Variants in NAALADL2 observed in about 807,000 individuals in gnomAD.
NAALADL2 encodes the protein inactive N-acetylated-alpha-linked acidic dipeptidase-like protein 2.
In NAALADL2, 76 loss-of-function variants were observed where a neutral mutation model predicts 87.2. The observed-to-expected ratio is 0.87, with a 90% CI of 0.72 to 1.05. NAALADL2 has a LOEUF of 1.05. Among genes scored for constraint, NAALADL2 ranks in the 50% least tolerant of loss-of-function variants. The pLI is 0.00. For missense variants in NAALADL2, 1,089 were observed against 945.8 expected, an observed-to-expected ratio of 1.15 and a Z score of -1.99; for synonymous variants, 354 against 331.0, an observed-to-expected ratio of 1.07 and a Z score of -0.75.
chr3:174,591,909 A>C (rs965280354), intron 2 of NAALADL2, among the ~76,000 whole-genome samples: 4 of 152,048 alleles, frequency 2.6e-5, no homozygotes, highest in Non-Finnish European at 5.9e-5. Flanking sequence ...TTTGTTTGCC[A>C]TAATACCCTA....
At chr3:175,388,065 C>G (rs771058651) in intron 5 of NAALADL2, among the ~76,000 whole-genome samples, 9 of 152,016 alleles carry the variant, frequency 5.9e-5, no homozygotes, top group Non-Finnish European at 1.3e-4. Flanking sequence ...TCTAGAGAGA[C>G]TTTCCATAGC....
At chr3:174,526,465 A>C (rs1314800197) in intron 1 of NAALADL2, among the ~76,000 whole-genome samples, 2 of 152,196 alleles carry the variant, frequency 1.3e-5, no homozygotes, top group African/African-American at 4.8e-5. Flanking sequence ...TTGACTAGTA[A>C]ATAGTTAAAT....
Position 175,364,791 on chromosome 3 carries a change from G to A in NAALADL2, c.1090+40466G>A, listed in dbSNP as rs569326089. 2.0e-5 allele frequency among the ~76,000 whole-genome samples: 3 copies of A among 147,734 alleles called. 1 individual carries two copies. The East Asian group carries it at 6.0e-4, about 30-fold the overall frequency. ...AGATTATAAATTTGTGTTTGTGTCA[G>A]TATAATTAAGGTATTTATGAGAATA... On this transcript the variant is annotated intron_variant, in intron 5 of 13. Transcript: ENST00000454872.
chr3:174,997,231 T>C (rs1304252889), intron 1 of NAALADL2, among the ~76,000 whole-genome samples: 1 of 152,074 alleles, frequency 6.6e-6, no homozygotes, highest in Non-Finnish European at 1.5e-5. Flanking sequence ...AGTTCTACTT[T>C]TAGTTCTTTA....
At chr3:175,471,890 T>C (rs777146988) in intron 9 of NAALADL2, 132 bp downstream of exon 9, 5 of 788,430 alleles carry the variant, frequency 6.3e-6, no homozygotes, top group Non-Finnish European at 1.0e-5. Context: ...AGAAATGATC[T>C]ATTGCTGACA....
intron 1 of NAALADL2, among the ~76,000 whole-genome samples, chr3:175,093,371 T>TATTTATTTGA (rs1329482979): frequency 1.4e-4 from 21 of 148,480 alleles, no homozygotes; most frequent in African/African-American, 5.2e-4. Flanking sequence ...ACTAAAGTTT[T>TATTTATTTGA]ATTTATTTGA....
chr3:174,580,627 G>T (rs1716063220), intron 2 of NAALADL2, among the ~76,000 whole-genome samples: 1 of 151,930 alleles, frequency 6.6e-6, no homozygotes, highest in Non-Finnish European at 1.5e-5. Context: ...TCTAGAATTT[G>T]ATATCAATTG....
intron 1 of NAALADL2, among the ~76,000 whole-genome samples, chr3:175,055,001 T>C (rs1386479142): frequency 6.6e-6 from 1 of 152,186 alleles, no homozygotes; most frequent in East Asian, 1.9e-4. Flanking sequence ...CAACTCCAAC[T>C]ATGTTAAATT....
At chr3:175,448,003 G>T (rs1720968874) in intron 6 of NAALADL2, among the ~76,000 whole-genome samples, 2 of 152,152 alleles carry the variant, frequency 1.3e-5, no homozygotes, top group Admixed American at 1.3e-4. Flanking sequence ...TGTTAAATTT[G>T]TATCTATTTG....
intron 2 of NAALADL2, among the ~76,000 whole-genome samples, chr3:174,672,902 G>A (rs1218421669): frequency 1.3e-5 from 1 of 78,536 alleles, no homozygotes; most frequent in African/African-American, 5.9e-5. Context: ...CCATTATAAA[G>A]ATTGTGGCTT....
At chr3:174,908,584 T>C (rs1290065284) in intron 1 of NAALADL2, among the ~76,000 whole-genome samples, 18 of 152,210 alleles carry the variant, frequency 1.2e-4, no homozygotes, top group Non-Finnish European at 1.0e-4. Flanking sequence ...AACAAAGTGA[T>C]GGAGAAGGAA....
chr3:175,138,430 C>T (rs1025327596), intron 2 of NAALADL2, among the ~76,000 whole-genome samples: 2 of 151,946 alleles, frequency 1.3e-5, no homozygotes, highest in Non-Finnish European at 2.9e-5. Flanking sequence ...TAATATAATT[C>T]ATAACACCCC....
At chr3:174,639,203 T>A (rs1682466166) in intron 2 of NAALADL2, among the ~76,000 whole-genome samples, 1 of 152,250 alleles carries the variant, frequency 6.6e-6, no homozygotes, top group Non-Finnish European at 1.5e-5. Context: ...TCTGGTTGGC[T>A]TAATTAAAGT....
intron 3 of NAALADL2, among the ~76,000 whole-genome samples, chr3:174,820,348 A>G (rs1357826124): frequency 6.6e-6 from 1 of 152,226 alleles, no homozygotes; most frequent in Admixed American, 6.5e-5. Context: ...TTCTATTCTC[A>G]GGAATATGCA....
chr3:174,637,428 C>T (rs1230629093), intron 2 of NAALADL2, among the ~76,000 whole-genome samples: 1 of 151,758 alleles, frequency 6.6e-6, no homozygotes, highest in Non-Finnish European at 1.5e-5. Context: ...AATAATATTT[C>T]ACATGTACCC....
At chr3:175,217,958 A>G (rs748155387) in intron 2 of NAALADL2, 1 of 236,776 alleles carries the variant, frequency 4.2e-6, no homozygotes, top group South Asian at 4.7e-5. Context: ...AATAAAGGGC[A>G]GTGGGACATG....
intron 7 of NAALADL2, among the ~76,000 whole-genome samples, chr3:175,464,814 A>G (rs1315816593): frequency 6.6e-6 from 1 of 152,218 alleles, no homozygotes; most frequent in Non-Finnish European, 1.5e-5. Flanking sequence ...CTTTAAATAC[A>G]AGATATAAAT....
chr3:175,226,585 G>A (rs1449689136), intron 2 of NAALADL2, among the ~76,000 whole-genome samples: 1 of 152,018 alleles, frequency 6.6e-6, no homozygotes, highest in African/African-American at 2.4e-5. Context: ...GCATTATCTA[G>A]CCTTCAATTT....
chr3:175,340,163 G>T (rs1310545015), intron 5 of NAALADL2, among the ~76,000 whole-genome samples: 1 of 152,114 alleles, frequency 6.6e-6, no homozygotes, highest in Non-Finnish European at 1.5e-5. Flanking sequence ...TTAGCAGGTT[G>T]TATAAGTCAT....
Sources: allele counts gnomAD v4.1 joint callset (sites outside exome capture counted in the v4.1 genomes callset), GRCh38; gene constraint gnomAD v4.1.1; transcripts MANE v1.5; gene names NCBI Gene and HGNC (gene_info 2026-07-23, HGNC 2026-07-21).